Variants in USP8 observed in about 807,000 individuals in gnomAD.
The protein encoded by USP8 is ubiquitin specific peptidase 8.
A neutral mutation model predicts 130.0 loss-of-function variants in USP8; 27 were observed. The ratio of observed to expected loss-of-function variants is 0.21; its 90% confidence interval spans 0.15 to 0.29. The LOEUF is 0.29. Ranked by LOEUF, USP8 falls within the 10% of genes least tolerant of loss-of-function variation. The pLI is 1.00. For synonymous variants in USP8, 392 were observed against 444.1 expected, an observed-to-expected ratio of 0.88 and a Z score of 1.48; for missense variants, 1,029 against 1,312.2, an observed-to-expected ratio of 0.78 and a Z score of 3.33.
In USP8 at chr15:50,503,454, G is replaced by A. The variant is rs933878888; in HGVS notation, c.*4366G>A. The A allele has an allele frequency of 6.6e-6, 1 of 152,216 alleles. No individual in the cohort carries two copies. Among genetic ancestry groups the A allele is most frequent in the Non-Finnish European group, 1.5e-5 (1 of 68,072 alleles). The allele number at this position is 152,216 out of a possible 1,614,324, so 9.4% of individuals were successfully genotyped here. ...TTTTAAAGGTCACGCAAGGACACTC[G>A]AGGTAAAGTCTTAGGCCCCCCTACA... On this transcript the variant is annotated 3_prime_UTR_variant, in exon 20 of 20. Transcript: ENST00000307179.
chr15:50,495,487 G>GC (rs1555392695), intron 16 of USP8, among the ~76,000 whole-genome samples: 12 of 123,696 alleles, frequency 9.7e-5, no homozygotes, highest in Non-Finnish European at 1.5e-4. Flanking sequence ...AGAGATTGGA[G>GC]GGGGGGGTCT....
At chr15:50,467,258 G>A (rs1002197173) in intron 7 of USP8, among the ~76,000 whole-genome samples, 4 of 152,126 alleles carry the variant, frequency 2.6e-5, no homozygotes, top group Admixed American at 6.5e-5. Flanking sequence ...GCTGGTGGTC[G>A]TTATTACTGA....
At chr15:50,459,745 A>G (rs2050919250) in intron 5 of USP8, among the ~76,000 whole-genome samples, 1 of 152,262 alleles carries the variant, frequency 6.6e-6, no homozygotes, top group East Asian at 1.9e-4. Context: ...CTGAGCTGTG[A>G]TTTATTATAT....
intron 1 of USP8, among the ~76,000 whole-genome samples, chr15:50,435,931 C>T (rs941378031): frequency 2.6e-5 from 4 of 152,154 alleles, no homozygotes; most frequent in Non-Finnish European, 2.9e-5. Context: ...TCCTGTCATT[C>T]TACCTTTGCA....
chr15:50,493,838 C>T, intron 15 of USP8: 1 of 667,894 alleles, frequency 1.5e-6, no homozygotes, highest in East Asian at 2.9e-5. Context: ...GAACTGGAGC[C>T]TGTTGATGAT....
chr15:50,428,635 A>C (rs1385563176), intron 1 of USP8, among the ~76,000 whole-genome samples: 1 of 152,268 alleles, frequency 6.6e-6, no homozygotes, highest in Non-Finnish European at 1.5e-5. Context: ...ACAACAATAT[A>C]GTGTAATAAA....
intron 16 of USP8, 26 bp from the exon 17 acceptor site, chr15:50,495,822 T>C (rs2052378062): frequency 2.6e-6 from 4 of 1,552,322 alleles, no homozygotes; most frequent in Non-Finnish European, 8.8e-7. Flanking sequence ...GATATTAATA[T>C]AGAGCTTAAA....
At chr15:50,493,539 G>A (rs2052260007) in intron 15 of USP8, 3 of 512,162 alleles carry the variant, frequency 5.9e-6, no homozygotes, top group Non-Finnish European at 1.2e-5. Flanking sequence ...GATCACTTGG[G>A]GCCCAGGAGT....
At position 50,477,483 on chromosome 15, in the gene USP8, T is replaced by A. The variant is rs1393917124; in HGVS notation, c.1202T>A (p.Ile401Lys). 1 of 1,612,738 alleles carries A rather than the reference T, an allele frequency of 6.2e-7. No individual in the cohort carries two copies. Among genetic ancestry groups the A allele is most frequent in the Non-Finnish European group, 8.5e-7 (1 of 1,179,518 alleles). ...CCCATAATTCAGCCAGTGCCTAGTA[T>A]AAAGAATGTTCCACAGGTATGTTCT... The part of the protein sequence containing the change: ...VSPIIQPVPS[I>K]KNVPQIDRTK... The change falls in exon 10 of 20, where the codon ATA becomes AAA. Residue 401 changes from isoleucine (I) to lysine (K), a missense_variant. Ile to Lys is a moderately radical substitution (Grantham distance 102). Around this residue, in one of 4 missense-constraint regions of USP8, gnomAD observed 486 missense variants for 522.0 expected, o/e 0.93. Coordinates refer to ENST00000307179, the MANE Select transcript of USP8 (RefSeq NM_005154.5).
chr15:50,439,965 A>G (rs1171028163), intron 2 of USP8, among the ~76,000 whole-genome samples: 1 of 152,272 alleles, frequency 6.6e-6, no homozygotes. Flanking sequence ...GCATAGGCCT[A>G]TAATCCCAGC....
chr15:50,451,418 G>T (rs2050626617), intron 4 of USP8, among the ~76,000 whole-genome samples: 1 of 151,968 alleles, frequency 6.6e-6, no homozygotes, highest in South Asian at 2.1e-4. Flanking sequence ...CTCAAAAAAA[G>T]AAAATAACTC....
At chr15:50,459,996 C>CCCCT (rs567135111) in intron 5 of USP8, among the ~76,000 whole-genome samples, 1 of 91,986 alleles carries the variant, frequency 1.1e-5, no homozygotes, top group African/African-American at 4.4e-5. Flanking sequence ...CACCCCCCCC[C>CCCCT]TTTTTTTTTT....
At chr15:50,492,274 A>G (rs1451261081) in intron 14 of USP8, among the ~76,000 whole-genome samples, 1 of 152,092 alleles carries the variant, frequency 6.6e-6, no homozygotes, top group African/African-American at 2.4e-5. Context: ...ACTCCACGGT[A>G]TGGTTTTTTT....
chr15:50,477,241 TA>T (rs755397087), intron 9 of USP8, 34 bp from the exon 10 acceptor site: 44 of 1,574,554 alleles, frequency 2.8e-5, no homozygotes, highest in Non-Finnish European at 3.8e-5. Context: ...TGGGGTTTGC[TA>T]TTCTAAAAAA....
At chr15:50,439,545 T>C (rs1296658035) in intron 2 of USP8, among the ~76,000 whole-genome samples, 1 of 152,120 alleles carries the variant, frequency 6.6e-6, no homozygotes, top group Non-Finnish European at 1.5e-5. Context: ...TCCCAGCACT[T>C]TGGGAGGCCA....
chr15:50,428,855 C>T (rs4775884), intron 1 of USP8, among the ~76,000 whole-genome samples: 22,161 of 152,152 alleles, frequency 0.15, 2,040 homozygotes, highest in Middle Eastern at 0.27. Context: ...TTTTGACATA[C>T]GTGAATCTCT....
At position 50,450,369 on chromosome 15, in the gene USP8, T is replaced by A. The variant is rs548063019; in HGVS notation, c.335+884T>A. On this transcript the variant is annotated intron_variant, in intron 4 of 19. Coordinates refer to ENST00000307179, the MANE Select transcript of USP8 (RefSeq NM_005154.5). Reference sequence around the variant, plus strand: ...GTTATTTAAATTTGGAAAAAAAAACTGATTCTGGTATTTGCCATGACTTGC... The same window carrying A: ...GTTATTTAAATTTGGAAAAAAAAACAGATTCTGGTATTTGCCATGACTTGC... 1.2e-4 allele frequency among the ~76,000 whole-genome samples: 18 copies of A among 151,990 alleles called. No individual in the cohort carries two copies. In the South Asian group the frequency reaches 2.7e-3, roughly 23 times the overall value.
chr15:50,489,338 ACACCT>A (rs2052075081), intron 12 of USP8, among the ~76,000 whole-genome samples: 1 of 152,152 alleles, frequency 6.6e-6, no homozygotes, highest in South Asian at 2.1e-4. Context: ...TTCTCTACTT[ACACCT>A]CTTAGCATAT....
chr15:50,462,207 A>G, intron 5 of USP8, 73 bp from the exon 6 acceptor site: 1 of 1,279,736 alleles, frequency 7.8e-7, no homozygotes. Flanking sequence ...ATTTAAGAGA[A>G]GTAAATGAAG....
Sources: allele counts gnomAD v4.1 joint callset (sites outside exome capture counted in the v4.1 genomes callset), GRCh38; gene constraint gnomAD v4.1.1; regional missense constraint gnomAD v4.1.1; transcripts MANE v1.5; gene names NCBI Gene and HGNC (gene_info 2026-07-23, HGNC 2026-07-21).